Variants in NDUFS2 observed in about 807,000 individuals in gnomAD.
NDUFS2 encodes NADH dehydrogenase [ubiquinone] iron-sulfur protein 2, mitochondrial.
In NDUFS2, 38 loss-of-function variants were observed where a neutral mutation model predicts 69.6. That is an observed-to-expected ratio of 0.55 (90% CI 0.42 to 0.72). The LOEUF (loss-of-function observed/expected upper bound fraction) is 0.72. Among genes scored for constraint, NDUFS2 ranks in the 30% least tolerant of loss-of-function variants. The probability of loss-of-function intolerance (pLI) is 0.00; values close to 1 mark genes in which losing one functional copy is unlikely to be tolerated. For missense variants in NDUFS2, 468 were observed against 595.0 expected (o/e 0.79, Z 2.22); for synonymous variants, 194 against 211.2 (o/e 0.92, Z 0.70).
chr1:161,207,218 G>A (rs1476847868), intron 3 of NDUFS2, among the ~76,000 whole-genome samples: 1 of 152,232 alleles, frequency 6.6e-6, no homozygotes, highest in Non-Finnish European at 1.5e-5. Flanking sequence ...GGGGTGAACA[G>A]TGACTAGAAT....
chr1:161,212,550 G>A (rs1347361976), intron 10 of NDUFS2, 70 bp downstream of exon 10: 2 of 1,577,944 alleles, frequency 1.3e-6, no homozygotes, highest in East Asian at 2.3e-5. Context: ...AGTATCCTTG[G>A]ATTAAATCCT....
upstream of NDUFS2, chr1:161,198,422 C>A (rs749286124): frequency 2.5e-6 from 4 of 1,598,370 alleles, no homozygotes; most frequent in Non-Finnish European, 3.4e-6. The surrounding 1 kb of genome is among the most constrained non-coding windows in gnomAD (Gnocchi z 4.7). Flanking sequence ...CAGGACGCTG[C>A]CGTTGAGCTT....
rs1665479003 is a variant in NDUFS2 at position 161,206,600 on chromosome 1, G to T, written c.393+3G>T. On this transcript the variant is annotated splice_donor_region_variant and intron_variant, in intron 3 of 13. Transcript: ENST00000676972. Reference sequence around the variant, plus strand: ...TTGAATACAAGACCTATCTTCAGGTGTGGGGGGTGAACAGGAGCCTTTTGG... The same window carrying T: ...TTGAATACAAGACCTATCTTCAGGTTTGGGGGGTGAACAGGAGCCTTTTGG... The T allele has an allele frequency of 1.2e-6, 2 of 1,612,878 alleles. No individual in the cohort carries two copies. Among genetic ancestry groups the T allele is most frequent in the South Asian group, 2.2e-5 (2 of 91,020 alleles).
At chr1:161,202,100 G>A, upstream of NDUFS2, 1 of 518,144 alleles carries the variant, frequency 1.9e-6, no homozygotes, top group Non-Finnish European at 3.5e-6. Context: ...AGAGCACGAA[G>A]TATCTGCCCC....
intron 8 of NDUFS2, 49 bp downstream of exon 8, chr1:161,210,438 G>T (rs753289061): frequency 6.2e-7 from 1 of 1,600,704 alleles, no homozygotes; most frequent in Admixed American, 1.7e-5. Flanking sequence ...GGGAGTGGGG[G>T]AGTTCCAGCC....
intron 11 of NDUFS2, 52 bp downstream of exon 11, chr1:161,213,527 A>G (rs1665886868): frequency 6.5e-7 from 1 of 1,546,922 alleles, no homozygotes; most frequent in Non-Finnish European, 8.9e-7. Flanking sequence ...GTAGCTAAAG[A>G]TAGATGTTTA....
rs1003501448 is a variant in NDUFS2, at chr1:161,206,713, G to A, written c.393+116G>A. 484 of 1,089,118 alleles carry A rather than the reference G, an allele frequency of 4.4e-4. 2 individuals carry two copies. Among genetic ancestry groups the A allele is most frequent in the Non-Finnish European group, 2.3e-4 (172 of 753,718 alleles). 67.5% of individuals were successfully genotyped at this position (1,089,118 alleles called of 1,614,324 possible). A position where few individuals can be genotyped will look rare whatever the true frequency, so the allele number is the denominator to read the frequency against. On this transcript the variant is annotated intron_variant, in intron 3 of 13. Coordinates refer to ENST00000676972, the MANE Select transcript of NDUFS2 (RefSeq NM_001377299.1). Reference sequence around the variant, plus strand: ...AGGAAGGTGTTGAGAGGAGTAACCCGTTGAGATTACTCTTGGTTGGGTGGA... The same window carrying A: ...AGGAAGGTGTTGAGAGGAGTAACCCATTGAGATTACTCTTGGTTGGGTGGA...
upstream of NDUFS2, among the ~76,000 whole-genome samples, chr1:161,201,731 T>C (rs950250862): frequency 6.6e-6 from 1 of 152,108 alleles, no homozygotes; most frequent in African/African-American, 2.4e-5. Flanking sequence ...CACTCCCCCA[T>C]CTGGGATGAG....
chr1:161,209,482 G>A lies in NDUFS2; in HGVS notation c.515-1G>A. 6.2e-7 allele frequency: 1 copy of A among 1,613,650 alleles called. No individual in the cohort carries two copies. Among genetic ancestry groups the A allele is most frequent in the Non-Finnish European group, 8.5e-7 (1 of 1,179,870 alleles). ...ATCCTGTCTTCTCCTTGTCTTCACAGTGCTGTTTGGAGAAATCACACGTTT... is the reference window on the plus strand; with the variant it reads ...ATCCTGTCTTCTCCTTGTCTTCACAATGCTGTTTGGAGAAATCACACGTTT... On this transcript the variant is annotated splice_acceptor_variant, in intron 4 of 13. Coordinates refer to ENST00000676972, the MANE Select transcript of NDUFS2 (RefSeq NM_001377299.1). LOFTEE classifies it high-confidence loss of function.
rs527879111 is a variant in NDUFS2 at position 161,205,725 on chromosome 1, G to A, written c.203-682G>A. Among the ~76,000 whole-genome samples the A allele has an allele frequency of 1.5e-4, 23 of 151,186 alleles. 1 individual carries two copies. In the South Asian group the frequency reaches 4.6e-3, roughly 30 times the overall value. On this transcript the variant is annotated intron_variant, in intron 2 of 13. Coordinates refer to ENST00000676972, the MANE Select transcript of NDUFS2 (RefSeq NM_001377299.1). ...AGACATTGCAGTGAGCCGAGATGGT[G>A]CTGCTGCACTCCAGCCTGGGTGCAG...
chr1:161,198,337 C>T, upstream of NDUFS2: 2 of 1,613,384 alleles, frequency 1.2e-6, no homozygotes, highest in Non-Finnish European at 1.7e-6. The surrounding 1 kb of genome is among the most constrained non-coding windows in gnomAD (Gnocchi z 4.7). Context: ...CGGAGTCCTG[C>T]TCCAGCTCTA....
At chr1:161,202,158 A>G, upstream of NDUFS2, 2 of 592,702 alleles carry the variant, frequency 3.4e-6, no homozygotes, top group East Asian at 2.9e-5. Context: ...AAAGCCAGCC[A>G]GGAGCTGTGG....
chr1:161,209,794 T>C (rs559414927), intron 5 of NDUFS2, 63 bp from the exon 6 acceptor site: 2 of 1,542,668 alleles, frequency 1.3e-6, no homozygotes, highest in African/African-American at 2.7e-5. Flanking sequence ...AGTGGGGGAG[T>C]AGGCCATCAT....
At position 161,214,169 on chromosome 1, in the gene NDUFS2, T is replaced by G; in HGVS notation, c.1368T>G (p.Ile456Met). ...CCTCTCACCTAGGTACCCAAGATATTGTATTTGGAGAAGTAGATCGGTGAG... is the reference window on the plus strand; with the variant it reads ...CCTCTCACCTAGGTACCCAAGATATGGTATTTGGAGAAGTAGATCGGTGAG... Reference protein sequence around the residue: ...DVVAIIGTQDIVFGEVDR With the variant: ...DVVAIIGTQDMVFGEVDR The change falls in exon 14 of 14, where the codon ATT (isoleucine) becomes ATG (methionine). Residue 456 changes from isoleucine to methionine, a missense_variant. Physicochemically the swap from Ile to Met is conservative, Grantham distance 10. Transcript: ENST00000676972. The G allele has an allele frequency of 6.2e-7, 1 of 1,613,906 alleles. No individual in the cohort carries two copies. Among genetic ancestry groups the G allele is most frequent in the Non-Finnish European group, 8.5e-7 (1 of 1,179,860 alleles).
intron 10 of NDUFS2, among the ~76,000 whole-genome samples, chr1:161,212,844 C>T (rs777996928): frequency 3.3e-5 from 5 of 152,004 alleles, no homozygotes; most frequent in Non-Finnish European, 7.4e-5. Flanking sequence ...TGAGCCACCA[C>T]ACCCAACCCA....
chr1:161,212,303 A>G (rs1665814820), intron 9 of NDUFS2, 48 bp from the exon 10 acceptor site: 2 of 1,611,440 alleles, frequency 1.2e-6, no homozygotes, highest in African/African-American at 2.7e-5. Context: ...CTAGCCCCAT[A>G]CCTGCTCCTC....
chr1:161,203,755 A>G, intron 2 of NDUFS2: 1 of 584,988 alleles, frequency 1.7e-6, no homozygotes, highest in South Asian at 1.9e-5. Flanking sequence ...TGCCACCACA[A>G]CTGGCTAATT....
At position 161,210,158 on chromosome 1, in the gene NDUFS2, C is replaced by T; in HGVS notation, c.750C>T (p.Asn250=). ...LMDDIYQFSK[N]FSLRLDELEE... ...ATGACATTTATCAGTTTTCTAAGAA[C>T]TTCTCTCTTCGGCTTGATGAGTTGG... is the stretch of plus-strand genomic sequence containing the variant. The change falls in exon 7 of 14, where the codon AAC becomes AAT. Residue 250 remains asparagine (N), a synonymous_variant. Coordinates refer to ENST00000676972, the MANE Select transcript of NDUFS2 (RefSeq NM_001377299.1). 1 of 1,614,158 alleles carries T rather than the reference C, an allele frequency of 6.2e-7. No homozygotes were observed. Among genetic ancestry groups the T allele is most frequent in the Non-Finnish European group, 8.5e-7 (1 of 1,180,026 alleles).
intron 3 of NDUFS2, 37 bp downstream of exon 3, chr1:161,206,634 G>A: frequency 6.2e-7 from 1 of 1,607,620 alleles, no homozygotes; most frequent in Non-Finnish European, 8.5e-7. Context: ...GGCGGGATCT[G>A]GGGTTGCTTT....
Sources: allele counts gnomAD v4.1 joint callset (sites outside exome capture counted in the v4.1 genomes callset), GRCh38; gene constraint gnomAD v4.1.1; non-coding constraint Gnocchi (gnomAD v3.1); transcripts MANE v1.5; gene names NCBI Gene and HGNC (gene_info 2026-07-23, HGNC 2026-07-21).